ULK4: variants seen among roughly 807,000 people sequenced by gnomAD.
The protein encoded by ULK4 is inactive serine/threonine-protein kinase ULK4.
ULK4 carries 133 observed loss-of-function variants against 160.6 expected under a neutral mutation model. That is an observed-to-expected ratio of 0.83 (90% CI 0.72 to 0.96). The LOEUF (loss-of-function observed/expected upper bound fraction) is 0.96, where lower values mean the gene tolerates loss of function less well. ULK4 is among the 40% of genes least tolerant of loss of function. The pLI, the probability that ULK4 is intolerant of heterozygous loss-of-function variation, is 0.00. For synonymous variants in ULK4, 534 were observed against 539.8 expected, an observed-to-expected ratio of 0.99 and a Z score of 0.15; for missense variants, 1,580 against 1,499.5, an observed-to-expected ratio of 1.05 and a Z score of -0.89.
chr3:41,834,993 A>G (rs78269496), intron 18 of ULK4, among the ~76,000 whole-genome samples: 11,601 of 152,262 alleles, frequency 0.076, 1,398 homozygotes, highest in African/African-American at 0.26. Context: ...TATCATAAAG[A>G]TATCAGTAAT....
intron 32 of ULK4, among the ~76,000 whole-genome samples, chr3:41,486,328 A>G (rs1483045081): frequency 6.6e-6 from 1 of 152,182 alleles, no homozygotes; most frequent in East Asian, 1.9e-4. Context: ...CATTCTAGAA[A>G]TTTGTTGCCA....
At chr3:41,542,099 T>G in intron 32 of ULK4, among the ~76,000 whole-genome samples, 1 of 152,198 alleles carries the variant, frequency 6.6e-6, no homozygotes, top group East Asian at 1.9e-4. Context: ...TGTGCTGGTT[T>G]TCAAAGGGAA....
At chr3:41,500,302 A>T (rs2085153195) in intron 32 of ULK4, among the ~76,000 whole-genome samples, 3 of 149,836 alleles carry the variant, frequency 2.0e-5, no homozygotes, top group African/African-American at 4.9e-5. Flanking sequence ...TTCCTACTGA[A>T]ATCATTTAAG....
intron 21 of ULK4, among the ~76,000 whole-genome samples, chr3:41,760,065 C>T (rs145352728): frequency 3.0e-3 from 460 of 151,886 alleles, no homozygotes; most frequent in African/African-American, 0.011. Flanking sequence ...TATTTGTACC[C>T]AGAATATATA....
intron 35 of ULK4, among the ~76,000 whole-genome samples, chr3:41,341,177 TA>T (rs1335902915): frequency 3.3e-5 from 5 of 152,334 alleles, no homozygotes; most frequent in African/African-American, 7.2e-5. Flanking sequence ...AATCGTCCAC[TA>T]AACACTGCAG....
rs149890911 is a variant in ULK4, at chr3:41,835,861, C to T, written c.1764+3G>A. On this transcript the variant is annotated splice_donor_region_variant and intron_variant, in intron 18 of 36. Transcript: ENST00000301831. ...AGCAACAGAGTTAATCAGACAGTCTCACCTGGGTGGCTACAAGATAGATCA... is the reference window on the plus strand; with the variant it reads ...AGCAACAGAGTTAATCAGACAGTCTTACCTGGGTGGCTACAAGATAGATCA... 3.1e-4 allele frequency: 486 copies of T among 1,592,746 alleles called. 2 individuals are homozygous for T. In the East Asian group the frequency reaches 9.9e-3, roughly 32 times the overall value.
intron 32 of ULK4, among the ~76,000 whole-genome samples, chr3:41,465,932 T>C (rs2083821828): frequency 6.6e-6 from 1 of 152,218 alleles, no homozygotes; most frequent in Non-Finnish European, 1.5e-5. Context: ...CCACCAAAGA[T>C]AACCAAGGTG....
intron 19 of ULK4, among the ~76,000 whole-genome samples, chr3:41,813,668 A>G (rs763888676): frequency 1.3e-5 from 2 of 152,170 alleles, no homozygotes; most frequent in Non-Finnish European, 1.5e-5. Flanking sequence ...ATGTACAGTT[A>G]TATTTTCTGG....
rs983419810 is a variant in ULK4, at chr3:41,958,084, C to A, written c.-48-3277G>T. Among the ~76,000 whole-genome samples, 320 of 148,814 alleles carry A rather than the reference C, an allele frequency of 2.2e-3. 1 individual carries two copies. Among genetic ancestry groups the A allele is most frequent in the Non-Finnish European group, 3.7e-3 (251 of 67,328 alleles). ...AAACCTTGTACACCTCAAATACATACAATTACTGGTAGATCATACCTCAAT... is the reference window on the plus strand; with the variant it reads ...AAACCTTGTACACCTCAAATACATAAAATTACTGGTAGATCATACCTCAAT... On this transcript the variant is annotated intron_variant, in intron 1 of 36. Transcript: ENST00000301831.
chr3:41,563,213 T>G (rs1356576731), intron 32 of ULK4, among the ~76,000 whole-genome samples: 4 of 152,246 alleles, frequency 2.6e-5, no homozygotes, highest in African/African-American at 9.6e-5. Flanking sequence ...TTGTAGGGTT[T>G]CTGCCAAAAG....
At chr3:41,776,708 A>T (rs1381847248) in intron 21 of ULK4, among the ~76,000 whole-genome samples, 8 of 117,382 alleles carry the variant, frequency 6.8e-5, no homozygotes, top group Admixed American at 6.0e-4. Context: ...GGCTCTGTTT[A>T]TATGCTGGAT....
At chr3:41,858,142 TGTTTG>T (rs749281802) in intron 17 of ULK4, among the ~76,000 whole-genome samples, 44 of 102,222 alleles carry the variant, frequency 4.3e-4, no homozygotes, top group African/African-American at 1.7e-3. Flanking sequence ...GGGTTTTTTT[TGTTTG>T]TTTTTTTTTT....
At chr3:41,286,342 A>G (rs2079457177) in intron 35 of ULK4, among the ~76,000 whole-genome samples, 1 of 152,038 alleles carries the variant, frequency 6.6e-6, no homozygotes, top group African/African-American at 2.4e-5. Flanking sequence ...CCAGAGAGTA[A>G]AGTTCCAGAG....
intron 32 of ULK4, among the ~76,000 whole-genome samples, chr3:41,465,664 T>C (rs2083814561): frequency 6.6e-6 from 1 of 152,218 alleles, no homozygotes; most frequent in African/African-American, 2.4e-5. Context: ...CCTATATCCC[T>C]ACATGTCCTG....
chr3:41,848,136 G>A (rs2042116762), intron 17 of ULK4, among the ~76,000 whole-genome samples: 2 of 152,298 alleles, frequency 1.3e-5, no homozygotes, highest in South Asian at 2.1e-4. Context: ...AAATCAAGGA[G>A]AAGCAAGGAC....
In ULK4 at chr3:41,470,909, CAA is replaced by C. The variant is rs531359565; in HGVS notation, c.3227-7658_3227-7657del. Among the ~76,000 whole-genome samples, 11 of 151,986 alleles carry C rather than the reference CAA, an allele frequency of 7.2e-5. No individual in the cohort carries two copies. In the East Asian group the frequency reaches 2.1e-3, roughly 29 times the overall value. On this transcript the variant is annotated intron_variant, in intron 32 of 36. Transcript: ENST00000301831. ...AAAACCATCAAACTGCAAAGGAAGA[CAA>C]GAGAGGAAGAAAGAAGCAAAACAAC...
At chr3:41,583,620 C>G (rs567999621) in intron 31 of ULK4, among the ~76,000 whole-genome samples, 1 of 152,220 alleles carries the variant, frequency 6.6e-6, no homozygotes, top group Non-Finnish European at 1.5e-5. Flanking sequence ...ATCATGCACA[C>G]CTCAGGTATG....
intron 22 of ULK4, among the ~76,000 whole-genome samples, chr3:41,743,734 T>C (rs971050506): frequency 2.0e-5 from 3 of 151,820 alleles, no homozygotes; most frequent in African/African-American, 7.3e-5. Flanking sequence ...GGCACAATCT[T>C]GGCTCCCTGC....
intron 20 of ULK4, among the ~76,000 whole-genome samples, chr3:41,794,716 TA>T (rs960070416): frequency 1.7e-4 from 17 of 97,484 alleles, no homozygotes; most frequent in Admixed American, 4.4e-4. Flanking sequence ...AACCTGTGTA[TA>T]AATACATTAA....
Sources: gnomAD v4.1 joint callset for allele counts (sites outside exome capture counted in the v4.1 genomes callset) on GRCh38, gnomAD v4.1.1 for gene constraint, MANE v1.5 for transcripts, NCBI Gene and HGNC (gene_info 2026-07-23, HGNC 2026-07-21) for gene names.